CAST: variants seen among roughly 807,000 people sequenced by gnomAD.
CAST encodes the protein MIR583 host.
CAST carries 76 observed loss-of-function variants against 119.6 expected under a neutral mutation model. The ratio of observed to expected loss-of-function variants is 0.64; its 90% CI spans 0.53 to 0.77. The LOEUF is 0.77. Ranked by LOEUF, CAST falls within the 30% of genes least tolerant of loss-of-function variation. The probability of loss-of-function intolerance (pLI) is 0.00; values close to 1 mark genes in which losing one functional copy is unlikely to be tolerated. For missense variants in CAST, 953 were observed against 946.5 expected, an observed-to-expected ratio of 1.01 and a Z score of -0.09; for synonymous variants, 319 against 331.6, an observed-to-expected ratio of 0.96 and a Z score of 0.41.
chr5:96,325,011 C>A, the CAST span, among the ~76,000 whole-genome samples: 1 of 152,082 alleles, frequency 6.6e-6, no homozygotes, highest in East Asian at 1.9e-4. Context: ...TCAAGACTAG[C>A]CTTGCCAACA....
chr5:96,484,935 G>A, the CAST span, among the ~76,000 whole-genome samples: 1 of 152,246 alleles, frequency 6.6e-6, no homozygotes, highest in Non-Finnish European at 1.5e-5. Context: ...CCCATCAATA[G>A]CTACACACAT....
the CAST span, chr5:96,399,978 C>T: frequency 3.1e-5 from 50 of 1,613,678 alleles, no homozygotes; most frequent in Middle Eastern, 1.8e-3. Flanking sequence ...TTGTCCTTTA[C>T]AACACACTCT....
At chr5:96,371,959 G>C in the CAST span, among the ~76,000 whole-genome samples, 2 of 152,094 alleles carry the variant, frequency 1.3e-5, no homozygotes, top group African/African-American at 2.4e-5. Context: ...CTCACTTTCT[G>C]ATTTTTCCTT....
chr5:96,708,361 C>T (rs932160689), intron 3 of CAST, among the ~76,000 whole-genome samples: 26 of 152,242 alleles, frequency 1.7e-4, no homozygotes, highest in African/African-American at 4.3e-4. Context: ...ATCTTGCAGT[C>T]GCTTAAGTCT....
chr5:96,043,063 T>TA, the CAST span, among the ~76,000 whole-genome samples: 1 of 152,196 alleles, frequency 6.6e-6, no homozygotes, highest in African/African-American at 2.4e-5. Context: ...TTAAAATTTA[T>TA]AAAATTTGTT....
chr5:96,625,862 A>G (rs1053074471), intron 1 of CAST, among the ~76,000 whole-genome samples: 1 of 152,108 alleles, frequency 6.6e-6, no homozygotes, highest in Non-Finnish European at 1.5e-5. Context: ...GTAGCAGTGC[A>G]GGCCTATCCC....
the CAST span, among the ~76,000 whole-genome samples, chr5:96,514,550 T>C: frequency 2.0e-5 from 3 of 152,328 alleles, no homozygotes; most frequent in East Asian, 5.8e-4. Flanking sequence ...TGATCAAAAC[T>C]ATACTCAAAT....
chr5:95,995,878 C>T, the CAST span, among the ~76,000 whole-genome samples: 1 of 152,116 alleles, frequency 6.6e-6, no homozygotes, highest in African/African-American at 2.4e-5. Context: ...CAGTAAGAAG[C>T]CATGGAGCAG....
the CAST span, among the ~76,000 whole-genome samples, chr5:95,963,285 C>T: frequency 6.6e-6 from 1 of 152,158 alleles, no homozygotes; most frequent in Non-Finnish European, 1.5e-5. Flanking sequence ...ATGTCCTCCC[C>T]TCCCAATAAA....
chr5:96,394,864 C>G, the CAST span: 2 of 1,614,026 alleles, frequency 1.2e-6, no homozygotes, highest in Admixed American at 1.7e-5. Flanking sequence ...CCACACAGAC[C>G]TCCCCTGGAT....
At chr5:96,659,762 T>G (rs1748219896), upstream of CAST, among the ~76,000 whole-genome samples, 1 of 152,146 alleles carries the variant, frequency 6.6e-6, no homozygotes, top group South Asian at 2.1e-4. Flanking sequence ...ACTCCTGAGC[T>G]CAGGCACTCT....
intron 1 of CAST, among the ~76,000 whole-genome samples, chr5:96,579,754 C>T (rs1323565601): frequency 6.6e-6 from 1 of 152,172 alleles, no homozygotes; most frequent in Admixed American, 6.5e-5. Flanking sequence ...TGGGGCAGAA[C>T]AGGAAGAAAC....
At chr5:95,983,716 T>C in the CAST span, among the ~76,000 whole-genome samples, 1,258 of 152,336 alleles carry the variant, frequency 8.3e-3, 14 homozygotes, top group African/African-American at 0.029. Context: ...TATTTATATA[T>C]GCTTGGAGGT....
At chr5:96,493,337 C>A in the CAST span, among the ~76,000 whole-genome samples, 1 of 152,144 alleles carries the variant, frequency 6.6e-6, no homozygotes, top group African/African-American at 2.4e-5. Context: ...AGATAAAGTG[C>A]TTTGCCCTCC....
At chr5:96,371,635 A>G in the CAST span, among the ~76,000 whole-genome samples, 1 of 152,172 alleles carries the variant, frequency 6.6e-6, no homozygotes, top group Admixed American at 6.5e-5. Context: ...GAAAGAAGGA[A>G]CCATTCTGGG....
chr5:96,456,457 C>A, the CAST span, among the ~76,000 whole-genome samples: 1 of 152,130 alleles, frequency 6.6e-6, no homozygotes. Flanking sequence ...CTCCTCAGCG[C>A]CCACTCCCAC....
intron 1 of CAST, among the ~76,000 whole-genome samples, chr5:96,610,875 C>T (rs1747347765): frequency 6.6e-6 from 1 of 152,138 alleles, no homozygotes; most frequent in Admixed American, 6.5e-5. Flanking sequence ...CACTCCAGGA[C>T]ATTCAAGCTG....
the CAST span, among the ~76,000 whole-genome samples, chr5:96,051,466 C>T: frequency 6.6e-6 from 1 of 152,108 alleles, no homozygotes; most frequent in Non-Finnish European, 1.5e-5. Context: ...AAGCAGCTAG[C>T]CTGGGGCTGG....
the CAST span, among the ~76,000 whole-genome samples, chr5:96,481,230 G>A: frequency 1.3e-5 from 2 of 151,836 alleles, no homozygotes; most frequent in East Asian, 3.9e-4. Flanking sequence ...ACACTGCACA[G>A]CTGCTTCTGT....
Sources: gnomAD v4.1 joint callset for allele counts (sites outside exome capture counted in the v4.1 genomes callset) on GRCh38, gnomAD v4.1.1 for gene constraint, MANE v1.5 for transcripts, NCBI Gene and HGNC (gene_info 2026-07-23, HGNC 2026-07-21) for gene names.